Variants in CNTNAP2 observed in about 807,000 individuals in gnomAD.
CNTNAP2 encodes contactin-associated protein-like 2.
Under a neutral mutation model 155.2 loss-of-function variants are expected in CNTNAP2, and 98 were observed. The observed-to-expected ratio is 0.63, with a 90% CI of 0.54 to 0.75. CNTNAP2 has a LOEUF of 0.75. CNTNAP2 is among the 30% of genes least tolerant of loss of function. CNTNAP2 has a pLI of 0.00. For missense variants in CNTNAP2, 1,727 were observed against 1,688.1 expected (o/e 1.02, Z -0.40); for synonymous variants, 651 against 631.2 (o/e 1.03, Z -0.47).
chr7:147,743,714 A>C (rs1162957745), intron 13 of CNTNAP2, among the ~76,000 whole-genome samples: 13 of 149,482 alleles, frequency 8.7e-5, no homozygotes, highest in Admixed American at 8.7e-4. Flanking sequence ...TTTCCATCTG[A>C]GCAGCTAGAC....
intron 9 of CNTNAP2, among the ~76,000 whole-genome samples, chr7:147,355,914 A>G (rs994017953): frequency 6.6e-6 from 1 of 151,832 alleles, no homozygotes; most frequent in Non-Finnish European, 1.5e-5. Context: ...AAAAAGAGAG[A>G]CTCCTCCCTA....
In CNTNAP2 at chr7:148,226,810, G is replaced by C. The variant is rs1338393159; in HGVS notation, c.3248-2836G>C. Among the ~76,000 whole-genome samples, 4 of 152,192 alleles carry C rather than the reference G, an allele frequency of 2.6e-5. No individual in the cohort carries two copies. In the East Asian group the frequency reaches 7.7e-4, roughly 29 times the overall value. On this transcript the variant is annotated intron_variant, in intron 19 of 23. Coordinates refer to ENST00000361727, the MANE Select transcript of CNTNAP2 (RefSeq NM_014141.6). ...GCCAATGTATAAAACCCCAAATCAA[G>C]GGCCAAACAGGGCACTTGGATCTCT... is the stretch of plus-strand genomic sequence containing the variant.
intron 2 of CNTNAP2, among the ~76,000 whole-genome samples, chr7:146,801,695 A>G (rs1246182185): frequency 1.3e-5 from 2 of 152,188 alleles, no homozygotes; most frequent in Non-Finnish European, 2.9e-5. Flanking sequence ...TTGTTTTTCC[A>G]GAGAAGAGGC....
chr7:146,408,200 A>G, intron 1 of CNTNAP2, among the ~76,000 whole-genome samples: 1 of 152,168 alleles, frequency 6.6e-6, no homozygotes, highest in African/African-American at 2.4e-5. Flanking sequence ...AACCATATTA[A>G]TTGCTTCAAG....
At chr7:146,931,712 A>G (rs1314908517) in intron 3 of CNTNAP2, among the ~76,000 whole-genome samples, 12 of 137,494 alleles carry the variant, frequency 8.7e-5, no homozygotes, top group Non-Finnish European at 1.9e-4. Flanking sequence ...AGAAAAAAAG[A>G]GAGAAGAATC....
chr7:148,276,573 C>T (rs1202035631), intron 21 of CNTNAP2, among the ~76,000 whole-genome samples: 1 of 152,230 alleles, frequency 6.6e-6, no homozygotes, highest in African/African-American at 2.4e-5. Context: ...GACAGCGAAT[C>T]GCAGTCAGTG....
chr7:146,903,411 G>C (rs1386994625), intron 3 of CNTNAP2, among the ~76,000 whole-genome samples: 2 of 152,028 alleles, frequency 1.3e-5, no homozygotes, highest in African/African-American at 4.8e-5. Flanking sequence ...CATGTAATAA[G>C]CTCCCCAAAC....
chr7:148,306,068 C>T (rs2888552), intron 21 of CNTNAP2, among the ~76,000 whole-genome samples: 94,044 of 152,076 alleles, frequency 0.62, 30,437 homozygotes, highest in East Asian at 0.75. Context: ...CTTTATTCTC[C>T]CTCATGCTTA....
At chr7:147,756,445 C>G (rs1166128924) in intron 13 of CNTNAP2, among the ~76,000 whole-genome samples, 1 of 152,126 alleles carries the variant, frequency 6.6e-6, no homozygotes, top group Non-Finnish European at 1.5e-5. Flanking sequence ...CAAAGTCACA[C>G]AGACAGTAGC....
chr7:146,625,613 G>T (rs764518243), intron 1 of CNTNAP2, among the ~76,000 whole-genome samples: 3 of 151,990 alleles, frequency 2.0e-5, no homozygotes, highest in Admixed American at 1.3e-4. Flanking sequence ...AATAAAAGAC[G>T]CATTTTAAGA....
intron 1 of CNTNAP2, among the ~76,000 whole-genome samples, chr7:146,534,258 T>C (rs1441158183): frequency 3.9e-5 from 6 of 152,118 alleles, no homozygotes; most frequent in African/African-American, 1.4e-4. Flanking sequence ...GGATACTTTC[T>C]CGTATTCTGG....
At chr7:146,868,458 C>T (rs1035295209) in intron 3 of CNTNAP2, among the ~76,000 whole-genome samples, 1 of 152,154 alleles carries the variant, frequency 6.6e-6, no homozygotes, top group African/African-American at 2.4e-5. Context: ...CGTGAGGCCT[C>T]CAGCCTTATT....
At chr7:146,470,881 T>A (rs74301475) in intron 1 of CNTNAP2, among the ~76,000 whole-genome samples, 2,770 of 152,226 alleles carry the variant, frequency 0.018, 50 homozygotes, top group African/African-American at 0.045. Flanking sequence ...ATTTTATTTT[T>A]TTTTATCTGA....
chr7:147,953,388 A>T (rs969661382), intron 14 of CNTNAP2, among the ~76,000 whole-genome samples: 1 of 152,134 alleles, frequency 6.6e-6, no homozygotes, highest in Non-Finnish European at 1.5e-5. Context: ...GTAGCCACAG[A>T]TGCTCTTCTT....
intron 1 of CNTNAP2, among the ~76,000 whole-genome samples, chr7:146,774,030 G>A (rs1408250109): frequency 6.6e-6 from 1 of 152,158 alleles, no homozygotes; most frequent in African/African-American, 2.4e-5. Flanking sequence ...AGACTGAGGT[G>A]AAGTCCTTTG....
intron 12 of CNTNAP2, among the ~76,000 whole-genome samples, chr7:147,574,113 T>C (rs1209395447): frequency 6.6e-6 from 1 of 152,192 alleles, no homozygotes; most frequent in Admixed American, 6.6e-5. Context: ...CTTTCTAGAA[T>C]GCTTTTCATT....
intron 13 of CNTNAP2, among the ~76,000 whole-genome samples, chr7:147,781,574 T>C (rs1404533719): frequency 2.6e-5 from 4 of 152,224 alleles, no homozygotes; most frequent in Admixed American, 1.3e-4. Context: ...TCTCCAGTTC[T>C]ATACTTAATG....
chr7:147,725,932 C>A (rs192298978), intron 13 of CNTNAP2, among the ~76,000 whole-genome samples: 10 of 152,074 alleles, frequency 6.6e-5, no homozygotes, highest in Admixed American at 6.6e-4. Flanking sequence ...TATATTCTTC[C>A]TGACTGGTGA....
chr7:147,522,679 A>G (rs1330018970), intron 11 of CNTNAP2, among the ~76,000 whole-genome samples: 2 of 151,754 alleles, frequency 1.3e-5, no homozygotes, highest in Admixed American at 1.3e-4. Flanking sequence ...GGGGGAAAAA[A>G]GTTTGAAAGA....
Sources: allele counts gnomAD v4.1 joint callset (sites outside exome capture counted in the v4.1 genomes callset), GRCh38; gene constraint gnomAD v4.1.1; transcripts MANE v1.5; gene names NCBI Gene and HGNC (gene_info 2026-07-23, HGNC 2026-07-21).